The following TNRC6B variants were observed in gnomAD, a reference collection of about 807,000 sequenced individuals.
TNRC6B encodes trinucleotide repeat containing adaptor 6B, also known as trinucleotide repeat-containing gene 6B protein.
Under a neutral mutation model 203.6 loss-of-function variants are expected in TNRC6B, and 52 were observed. That is an observed-to-expected ratio of 0.26 (90% confidence interval 0.20 to 0.32). The LOEUF is 0.32. Ranked by LOEUF, TNRC6B falls within the 10% of genes least tolerant of loss-of-function variation. The pLI is 1.00. For missense variants in TNRC6B, 1,923 were observed against 2,286.2 expected, an observed-to-expected ratio of 0.84 and a Z score of 3.24; for synonymous variants, 838 against 845.7, an observed-to-expected ratio of 0.99 and a Z score of 0.16.
intron 3 of TNRC6B, among the ~76,000 whole-genome samples, chr22:40,152,851 A>G (rs1056411772): frequency 3.3e-5 from 5 of 152,052 alleles, no homozygotes; most frequent in African/African-American, 1.2e-4. Flanking sequence ...CTATAATCCC[A>G]GCACTTTGGG....
intron 1 of TNRC6B, among the ~76,000 whole-genome samples, chr22:40,209,795 T>C (rs986320354): frequency 6.6e-6 from 1 of 151,984 alleles, no homozygotes; most frequent in African/African-American, 2.4e-5. Context: ...CTGAGGTGGG[T>C]GGATCACGAG....
At chr22:40,058,032 A>G (rs1014468780) in intron 1 of TNRC6B, among the ~76,000 whole-genome samples, 1 of 152,192 alleles carries the variant, frequency 6.6e-6, no homozygotes, top group Non-Finnish European at 1.5e-5. Flanking sequence ...TTTTACACCA[A>G]TATGTTTAAA....
At chr22:40,110,978 GA>G (rs1275030561) in intron 1 of TNRC6B, among the ~76,000 whole-genome samples, 1 of 152,194 alleles carries the variant, frequency 6.6e-6, no homozygotes, top group Non-Finnish European at 1.5e-5. Context: ...CAGTGATAAG[GA>G]AGCCTTAGAC....
At chr22:40,318,808 G>A (rs952873819) in intron 21 of TNRC6B, among the ~76,000 whole-genome samples, 4 of 152,128 alleles carry the variant, frequency 2.6e-5, no homozygotes, top group Admixed American at 6.5e-5. Flanking sequence ...GGTGGCTCAT[G>A]CCTGTAATCC....
At chr22:40,191,970 C>G (rs962940279) in intron 1 of TNRC6B, among the ~76,000 whole-genome samples, 2 of 152,166 alleles carry the variant, frequency 1.3e-5, no homozygotes, top group Non-Finnish European at 2.9e-5. Context: ...AGGCTGGTCT[C>G]AAACTCCTGA....
Position 40,055,079 on chromosome 22 carries a change from G to A in TNRC6B, c.-121+10081G>A, listed in dbSNP as rs577107655. 2.6e-5 allele frequency among the ~76,000 whole-genome samples: 4 copies of A among 152,146 alleles called. No homozygotes were observed. The East Asian group carries it at 7.7e-4, about 29-fold the overall frequency. Reference sequence around the variant, plus strand: ...TTATGCTTGGGCTTGACATGATGACGCTCTCACTAAACATTTGAATGCATA... The same window carrying A: ...TTATGCTTGGGCTTGACATGATGACACTCTCACTAAACATTTGAATGCATA... On this transcript the variant is annotated intron_variant, in intron 1 of 23. Coordinates refer to the TNRC6B transcript ENST00000301923.
chr22:40,163,476 A>AC (rs2068889660), intron 4 of TNRC6B, among the ~76,000 whole-genome samples: 3 of 133,708 alleles, frequency 2.2e-5, no homozygotes, highest in Non-Finnish European at 3.2e-5. Context: ...AAAAAAAAAA[A>AC]AAAAGGCCAG....
chr22:40,119,976 A>C (rs939092437), intron 2 of TNRC6B, among the ~76,000 whole-genome samples: 5 of 152,244 alleles, frequency 3.3e-5, no homozygotes, highest in Admixed American at 3.3e-4. Flanking sequence ...CAAGTGAAAT[A>C]AAGGACAAAG....
rs2071446919 is a variant in TNRC6B, at chr22:40,329,885, G to GT, written c.*6649dup. The stretch of plus-strand genomic sequence containing the variant: ...TTCAGTTAGCTATATACCTGAATTT[G>GT]TTTTTAACAAGAAACTGTACATGGC... On this transcript the variant is annotated 3_prime_UTR_variant, in exon 23 of 23. Coordinates refer to ENST00000454349, the MANE Select transcript of TNRC6B (RefSeq NM_001162501.2). 6.6e-6 allele frequency: 1 copy of GT among 152,294 alleles called. No individual in the cohort carries two copies. The highest frequency in any genetic ancestry group is 2.1e-4 in the South Asian group (1 of 4,828). 9.4% of individuals were successfully genotyped at this position (152,294 alleles called of 1,614,324 possible). A position where few individuals can be genotyped will look rare whatever the true frequency, so the allele number is the denominator to read the frequency against.
intron 4 of TNRC6B, among the ~76,000 whole-genome samples, chr22:40,158,984 A>T (rs1473090240): frequency 1.3e-5 from 2 of 152,012 alleles, no homozygotes; most frequent in Non-Finnish European, 2.9e-5. Context: ...TGCGTGTGTG[A>T]CAGAGTCTCG....
chr22:40,184,317 G>T (rs1272421151), intron 1 of TNRC6B, among the ~76,000 whole-genome samples: 7 of 152,140 alleles, frequency 4.6e-5, no homozygotes, highest in Admixed American at 3.3e-4. Flanking sequence ...AAAAAGGGTG[G>T]ACACCTAGAG....
intron 6 of TNRC6B, among the ~76,000 whole-genome samples, chr22:40,271,062 C>T (rs2070556468): frequency 6.6e-6 from 1 of 152,160 alleles, no homozygotes; most frequent in African/African-American, 2.4e-5. Flanking sequence ...GCATAAATTT[C>T]ACTTCAATTT....
At chr22:40,111,120 A>G (rs998169667) in intron 1 of TNRC6B, among the ~76,000 whole-genome samples, 5 of 152,220 alleles carry the variant, frequency 3.3e-5, no homozygotes, top group Non-Finnish European at 5.9e-5. Flanking sequence ...AAGACTTCAC[A>G]GAACAGGTTT....
At chr22:40,199,130 A>G (rs911423330) in intron 1 of TNRC6B, among the ~76,000 whole-genome samples, 1 of 152,118 alleles carries the variant, frequency 6.6e-6, no homozygotes, top group African/African-American at 2.4e-5. Flanking sequence ...TTTATTTCAA[A>G]ATTTAAGAAG....
chr22:40,111,376 C>T (rs1433373565), intron 1 of TNRC6B, among the ~76,000 whole-genome samples: 1 of 152,002 alleles, frequency 6.6e-6, no homozygotes, highest in Non-Finnish European at 1.5e-5. Context: ...ATTGCAAAGG[C>T]AGTAAGGATT....
chr22:40,245,954 G>A (rs1480072933), intron 1 of TNRC6B, 61 bp from the exon 2 acceptor site: 3 of 1,340,168 alleles, frequency 2.2e-6, no homozygotes, highest in Non-Finnish European at 3.0e-6. Context: ...CATTCAATTT[G>A]CTGCGGAAAT....
intron 1 of TNRC6B, among the ~76,000 whole-genome samples, chr22:40,240,478 C>G (rs1039403991): frequency 6.6e-6 from 1 of 152,138 alleles, no homozygotes; most frequent in East Asian, 1.9e-4. Context: ...GGGCTAGCAG[C>G]AGTCCCAGGC....
chr22:40,217,909 G>T (rs920932818), intron 1 of TNRC6B, among the ~76,000 whole-genome samples: 3 of 149,726 alleles, frequency 2.0e-5, no homozygotes, highest in Admixed American at 6.8e-5. Flanking sequence ...TGGAGCAGAG[G>T]TTGCAGTGAG....
chr22:40,231,874 A>G (rs1473564371), intron 1 of TNRC6B, among the ~76,000 whole-genome samples: 2 of 152,194 alleles, frequency 1.3e-5, no homozygotes, highest in Non-Finnish European at 2.9e-5. Context: ...GTTGTTGCCT[A>G]TGTGTCTTTT....
Sources: gnomAD v4.1 joint callset for allele counts (sites outside exome capture counted in the v4.1 genomes callset) on GRCh38, gnomAD v4.1.1 for gene constraint, MANE v1.5 for transcripts, NCBI Gene and HGNC (gene_info 2026-07-23, HGNC 2026-07-21) for gene names.